The following C5orf34 variants were observed in gnomAD, a reference collection of about 807,000 sequenced individuals.
The protein encoded by C5orf34 is uncharacterized protein C5orf34.
A neutral mutation model predicts 78.4 loss-of-function variants in C5orf34; 73 were observed. That is an observed-to-expected ratio of 0.93 (90% CI 0.77 to 1.13). C5orf34 has a LOEUF of 1.13. Among genes scored for constraint, C5orf34 ranks in the 50% most tolerant of loss-of-function variants. C5orf34 has a pLI of 0.00. For synonymous variants in C5orf34, 251 were observed against 246.6 expected (o/e 1.02, Z -0.17); for missense variants, 730 against 732.7 (o/e 1.00, Z 0.04).
rs570805502 is a variant in C5orf34, at chr5:43,495,791, G to A, written c.1153-1190C>T. ...AGCCTCAAGCAGCATGGTGCCGCTG[G>A]CACTGCCATCCTTACGGGTGGCTTT... On this transcript the variant is annotated intron_variant, in intron 6 of 12. Coordinates refer to ENST00000306862, the MANE Select transcript of C5orf34 (RefSeq NM_198566.4). 7.6e-6 allele frequency: 12 copies of A among 1,575,994 alleles called. No individual in the cohort carries two copies. In the African/African-American group the frequency reaches 1.5e-4, roughly 19 times the overall value.
Position 43,490,740 on chromosome 5 carries a change from T to C in C5orf34, c.1581-11A>G. On this transcript the variant is annotated splice_polypyrimidine_tract_variant and intron_variant, in intron 10 of 12. Transcript: ENST00000306862. ...ACTGTTGTCACATATCTAAAGTGAATACATTAAAAGAAATACTTGAAAAAT... is the reference window on the plus strand; with the variant it reads ...ACTGTTGTCACATATCTAAAGTGAACACATTAAAAGAAATACTTGAAAAAT... The C allele has an allele frequency of 7.2e-7, 1 of 1,388,558 alleles. No homozygotes were observed. The highest frequency in any genetic ancestry group is 1.0e-6 in the Non-Finnish European group (1 of 984,738). 86.0% of individuals were successfully genotyped at this position (1,388,558 alleles called of 1,614,324 possible). A position where few individuals can be genotyped will look rare whatever the true frequency, so the allele number is the denominator to read the frequency against.
intron 6 of C5orf34, among the ~76,000 whole-genome samples, chr5:43,500,453 T>C (rs1279105110): frequency 3.3e-5 from 5 of 152,194 alleles, no homozygotes; most frequent in African/African-American, 7.2e-5. Context: ...TGGTGTGCAG[T>C]GGTGTGATCT....
intron 6 of C5orf34, among the ~76,000 whole-genome samples, chr5:43,499,856 T>C (rs958986067): frequency 7.2e-5 from 11 of 152,236 alleles, no homozygotes; most frequent in Non-Finnish European, 1.5e-4. Context: ...TTACAACTTA[T>C]TTCACCATTT....
intron 1 of C5orf34, 54 bp downstream of exon 1, chr5:43,514,752 C>T (rs562628437): frequency 6.6e-6 from 1 of 152,132 alleles, no homozygotes; most frequent in South Asian, 2.1e-4. Flanking sequence ...ATGCTATAGT[C>T]TCTAGTTACA....
At chr5:43,492,174 AG>A (rs1745311774) in intron 10 of C5orf34, 40 bp downstream of exon 10, 1 of 1,344,068 alleles carries the variant, frequency 7.4e-7, no homozygotes, top group East Asian at 2.3e-5. Context: ...GTTAGTTAAA[AG>A]TAAAACATAA....
intron 1 of C5orf34, chr5:43,514,088 A>C (rs1269259081): frequency 6.6e-6 from 1 of 152,224 alleles, no homozygotes; most frequent in Non-Finnish European, 1.5e-5. Flanking sequence ...CATTGTTAGC[A>C]GCCAATATTC....
chr5:43,511,126 G>T (rs569656421), intron 1 of C5orf34: 9 of 176,196 alleles, frequency 5.1e-5, no homozygotes, highest in Non-Finnish European at 1.1e-4. Context: ...GTCTCTGCCC[G>T]GCCGCCCCAT....
intron 6 of C5orf34, chr5:43,496,572 GT>G (rs1363503162): frequency 2.1e-5 from 13 of 628,756 alleles, no homozygotes; most frequent in East Asian, 3.1e-5. Context: ...TCATTCAAAA[GT>G]TTTTTTTAAT....
At position 43,509,298 on chromosome 5, in the gene C5orf34, T is replaced by C. The variant is rs750021098; in HGVS notation, c.42A>G (p.Ser14=). 66 of 1,613,058 alleles carry C rather than the reference T, an allele frequency of 4.1e-5. No homozygotes were observed. Among genetic ancestry groups the C allele is most frequent in the Non-Finnish European group, 4.9e-5 (58 of 1,179,578 alleles). Residue 14 remains serine, a synonymous_variant, in exon 2 of 13, where the codon TCA becomes TCG. Coordinates refer to ENST00000306862, the MANE Select transcript of C5orf34 (RefSeq NM_198566.4). ...ELRMILYEDD[S]VQVQYVDGST... is the part of the protein sequence containing the mutation. Reference sequence around the variant, plus strand: ...AACCATCAACATATTGTACTTGTACTGAATCATCTTCATAAAGTATCATTC... The same window carrying C: ...AACCATCAACATATTGTACTTGTACCGAATCATCTTCATAAAGTATCATTC...
At chr5:43,511,136 T>G (rs1196646279) in intron 1 of C5orf34, 1 of 170,364 alleles carries the variant, frequency 5.9e-6, no homozygotes, top group Non-Finnish European at 1.2e-5. Context: ...GGCCGCCCCA[T>G]CTGAGAAGTG....
chr5:43,491,480 T>TA (rs1352247962), intron 10 of C5orf34, among the ~76,000 whole-genome samples: 1 of 152,178 alleles, frequency 6.6e-6, no homozygotes, highest in East Asian at 1.9e-4. Flanking sequence ...AAAAAATTCA[T>TA]AAAAAGCTGA....
At chr5:43,502,929 C>T (rs888885828) in intron 5 of C5orf34, among the ~76,000 whole-genome samples, 1 of 152,090 alleles carries the variant, frequency 6.6e-6, no homozygotes, top group Non-Finnish European at 1.5e-5. Context: ...AGGGGCTATC[C>T]CTAAGAAAAG....
chr5:43,504,168 G>A (rs995014124), intron 4 of C5orf34, among the ~76,000 whole-genome samples: 6 of 151,960 alleles, frequency 3.9e-5, no homozygotes, highest in African/African-American at 7.3e-5. Flanking sequence ...AAAATTAGGC[G>A]TAGTGGCACG....
At chr5:43,499,715 C>T (rs763437008) in intron 6 of C5orf34, among the ~76,000 whole-genome samples, 3 of 152,140 alleles carry the variant, frequency 2.0e-5, no homozygotes, top group Non-Finnish European at 2.9e-5. Context: ...TATCATTGTA[C>T]GTGTTCTAAC....
At chr5:43,502,841 A>G (rs2112309807) in intron 5 of C5orf34, among the ~76,000 whole-genome samples, 1 of 152,308 alleles carries the variant, frequency 6.6e-6, no homozygotes, top group East Asian at 1.9e-4. Flanking sequence ...TGTTAAATAC[A>G]ACATTTCCAG....
At chr5:43,512,387 C>G (rs573505777) in intron 1 of C5orf34, among the ~76,000 whole-genome samples, 6 of 152,366 alleles carry the variant, frequency 3.9e-5, no homozygotes, top group Non-Finnish European at 7.3e-5. Context: ...GTAGTATTCA[C>G]TCACTACCAA....
At chr5:43,493,451 G>T in intron 8 of C5orf34, 92 bp downstream of exon 8, 1 of 740,222 alleles carries the variant, frequency 1.4e-6, no homozygotes, top group Admixed American at 2.7e-5. Context: ...TTTCTCACAT[G>T]ACTTAGAGGA....
At chr5:43,487,875 T>C (rs574905823) in intron 12 of C5orf34, 34 bp downstream of exon 12, 1 of 1,511,694 alleles carries the variant, frequency 6.6e-7, no homozygotes, top group South Asian at 1.2e-5. Flanking sequence ...AAGAGAGTAA[T>C]TATGTAGGAC....
Position 43,506,168 on chromosome 5 carries a change from T to G in C5orf34, c.512A>C (p.Asp171Ala). The change falls in exon 4 of 13, where the codon GAT (aspartate) becomes GCT (alanine). Residue 171 changes from aspartate (D) to alanine (A), a missense_variant. Transcript: ENST00000306862. Reference sequence around the variant, plus strand: ...TTTGCCAGTTTTTTCAACTAGTTTATCTTTTGGGGCTTTATTATTTGTTTC... The same window carrying G: ...TTTGCCAGTTTTTTCAACTAGTTTAGCTTTTGGGGCTTTATTATTTGTTTC... The part of the protein sequence containing the change: ...LSETNNKAPK[D>A]KLVEKTGKIC... 1 of 1,614,218 alleles carries G rather than the reference T, an allele frequency of 6.2e-7. No individual in the cohort carries two copies.
Sources: allele counts gnomAD v4.1 joint callset (sites outside exome capture counted in the v4.1 genomes callset), GRCh38; gene constraint gnomAD v4.1.1; transcripts MANE v1.5; gene names NCBI Gene and HGNC (gene_info 2026-07-23, HGNC 2026-07-21).